POPDC3: variants seen among roughly 807,000 people sequenced by gnomAD.
POPDC3 encodes the protein popeye domain cAMP effector 3.
In POPDC3, 20 loss-of-function variants were observed where a neutral mutation model predicts 28.2. The observed-to-expected ratio is 0.71, with a 90% CI of 0.50 to 1.03. POPDC3 has a LOEUF of 1.03. Among genes scored for constraint, POPDC3 ranks in the 50% least tolerant of loss-of-function variants. POPDC3 has a pLI of 0.00. For missense variants in POPDC3, 316 were observed against 345.9 expected (o/e 0.91, Z 0.69); for synonymous variants, 118 against 124.1 (o/e 0.95, Z 0.33).
chr6:105,163,361 C>G (rs1774388908), intron 1 of POPDC3, among the ~76,000 whole-genome samples: 1 of 152,136 alleles, frequency 6.6e-6, no homozygotes, highest in Admixed American at 6.5e-5. Context: ...AATATGTAAT[C>G]TGAGTCAGGA....
In POPDC3 at chr6:105,180,001, A is replaced by AGCGGC. The variant is rs1468742638; in HGVS notation, c.-425_-421dup. ...GCAGCGTGACCGCAGCGGGCTCCGG[A>AGCGGC]GCGGCGCGGCGGCGCGGGCGGGTGC... is the stretch of plus-strand genomic sequence containing the variant. On this transcript the variant is annotated 5_prime_UTR_variant, in exon 1 of 4. Coordinates refer to ENST00000254765, the MANE Select transcript of POPDC3 (RefSeq NM_022361.5). 1 of 145,650 alleles carries AGCGGC rather than the reference A, an allele frequency of 6.9e-6. No individual in the cohort carries two copies. Among genetic ancestry groups the AGCGGC allele is most frequent in the African/African-American group, 2.5e-5 (1 of 40,458 alleles). 9.0% of individuals were successfully genotyped at this position (145,650 alleles called of 1,614,324 possible).
intron 1 of POPDC3, among the ~76,000 whole-genome samples, chr6:105,177,449 A>G (rs546313164): frequency 6.6e-6 from 1 of 152,350 alleles, no homozygotes; most frequent in Admixed American, 6.5e-5. Flanking sequence ...AACAATTATC[A>G]AGATTTTGCC....
chr6:105,179,348 G>A (rs933220429), intron 1 of POPDC3, among the ~76,000 whole-genome samples: 1 of 152,120 alleles, frequency 6.6e-6, no homozygotes, highest in African/African-American at 2.4e-5. Context: ...GGGGGCGGGA[G>A]TAGGGGGGAA....
intron 1 of POPDC3, among the ~76,000 whole-genome samples, chr6:105,172,187 G>GA (rs1444299720): frequency 1.3e-5 from 2 of 150,814 alleles, no homozygotes; most frequent in Non-Finnish European, 3.0e-5. Flanking sequence ...AAATTTACAA[G>GA]AAAAAAACAA....
At position 105,158,665 on chromosome 6, in the gene POPDC3, G is replaced by T; in HGVS notation, c.681C>A (p.Ile227=). 6.2e-7 allele frequency: 1 copy of T among 1,614,056 alleles called. No homozygotes were observed. Among genetic ancestry groups the T allele is most frequent in the South Asian group, 1.1e-5 (1 of 91,080 alleles). ...CAATTAGCACTGAAAAAAGGCGGGA[G>T]ATGTAGCGATGCTGAGCAAAGAGCA... ...LYLLFAQHRY[I]SRLFSVLIGS... The change falls in exon 4 of 4, where the codon ATC becomes ATA. Residue 227 remains isoleucine (I), a synonymous_variant. Transcript: ENST00000254765.
Position 105,159,703 on chromosome 6 carries a change from T to C in POPDC3, c.594+8A>G, listed in dbSNP as rs569687913. 2.8e-5 allele frequency: 43 copies of C among 1,511,700 alleles called. 1 individual carries two copies. In the East Asian group the frequency reaches 7.7e-4, roughly 27 times the overall value. 93.6% of individuals were successfully genotyped at this position (1,511,700 alleles called of 1,614,324 possible). The stretch of plus-strand genomic sequence containing the variant: ...GGAGTGCTAACTGTGTGTTCTGGTA[T>C]CCCTTACCTGAAAAATGCCTTCCTC... On this transcript the variant is annotated splice_region_variant and intron_variant, in intron 3 of 3. Coordinates refer to ENST00000254765, the MANE Select transcript of POPDC3 (RefSeq NM_022361.5).
chr6:105,170,867 C>T (rs928438850), intron 1 of POPDC3, among the ~76,000 whole-genome samples: 3 of 152,088 alleles, frequency 2.0e-5, no homozygotes. Context: ...GTTAAAAATA[C>T]ACAAATATGG....
intron 1 of POPDC3, among the ~76,000 whole-genome samples, chr6:105,170,765 A>G (rs978295711): frequency 1.3e-5 from 2 of 152,252 alleles, no homozygotes; most frequent in African/African-American, 4.8e-5. Context: ...GGTTAGTGAT[A>G]TAACACTTAA....
intron 1 of POPDC3, among the ~76,000 whole-genome samples, chr6:105,163,487 G>A (rs1355043619): frequency 6.6e-6 from 1 of 152,092 alleles, no homozygotes; most frequent in Non-Finnish European, 1.5e-5. Flanking sequence ...TAAAACCATG[G>A]TAACATTCAA....
chr6:105,174,646 T>C (rs9399904), intron 1 of POPDC3, among the ~76,000 whole-genome samples: 102,703 of 152,076 alleles, frequency 0.68, 40,659 homozygotes, highest in East Asian at 0.88. Context: ...CATTATAAAG[T>C]TGAAAAATGG....
At chr6:105,170,153 A>C (rs1415455309) in intron 1 of POPDC3, among the ~76,000 whole-genome samples, 1 of 152,172 alleles carries the variant, frequency 6.6e-6, no homozygotes, top group Non-Finnish European at 1.5e-5. Flanking sequence ...GGTTTTAAAT[A>C]ATTGACAGGC....
At chr6:105,163,620 G>A (rs1774397596) in intron 1 of POPDC3, 1 of 152,138 alleles carries the variant, frequency 6.6e-6, no homozygotes, top group African/African-American at 2.4e-5. Context: ...ATACAGAGGT[G>A]AAAATGACTT....
intron 1 of POPDC3, among the ~76,000 whole-genome samples, chr6:105,174,226 A>T (rs1002851299): frequency 6.6e-6 from 1 of 152,172 alleles, no homozygotes; most frequent in African/African-American, 2.4e-5. Context: ...TTTAGTAGAG[A>T]TGGGGTTTTA....
chr6:105,179,528 C>A (rs1361789740), intron 1 of POPDC3, among the ~76,000 whole-genome samples: 2 of 152,216 alleles, frequency 1.3e-5, no homozygotes, highest in Non-Finnish European at 1.5e-5. Flanking sequence ...GCCTCTAGGG[C>A]ATACGACTCG....
At chr6:105,179,609 G>A (rs1774744471) in intron 1 of POPDC3, among the ~76,000 whole-genome samples, 1 of 152,106 alleles carries the variant, frequency 6.6e-6, no homozygotes. Context: ...TGTGAGCGGC[G>A]ACACAGCCGG....
At position 105,179,919 on chromosome 6, in the gene POPDC3, G is replaced by C. The variant is rs1401796840; in HGVS notation, c.-338C>G. ...CGCGCTTGACCCGGGTGGCCCGCGC[G>C]GAAGCCCTCAGCGTCCCCCTCGTGA... On this transcript the variant is annotated 5_prime_UTR_variant, in exon 1 of 4. Coordinates refer to ENST00000254765, the MANE Select transcript of POPDC3 (RefSeq NM_022361.5). 6.6e-6 allele frequency: 1 copy of C among 151,330 alleles called. No homozygotes were observed. The highest frequency in any genetic ancestry group is 1.5e-5 in the Non-Finnish European group (1 of 67,796). 9.4% of individuals were successfully genotyped at this position (151,330 alleles called of 1,614,324 possible).
chr6:105,179,066 C>T (rs1774732664), intron 1 of POPDC3: 1 of 985,314 alleles, frequency 1.0e-6, no homozygotes, highest in African/African-American at 1.7e-5. Context: ...CTGCAAATGT[C>T]TTCTGGCTAA....
At chr6:105,178,960 A>T (rs1774731634) in intron 1 of POPDC3, 4 of 985,492 alleles carry the variant, frequency 4.1e-6, no homozygotes, top group Non-Finnish European at 4.8e-6. Flanking sequence ...GTGAAAAGTC[A>T]GGAAGCAACG....
chr6:105,158,977 T>C, intron 3 of POPDC3: 1 of 381,390 alleles, frequency 2.6e-6, no homozygotes, highest in Non-Finnish European at 4.7e-6. Flanking sequence ...TCAATCTGTC[T>C]GTTTTTCTAA....
Sources: allele counts gnomAD v4.1 joint callset (sites outside exome capture counted in the v4.1 genomes callset), GRCh38; gene constraint gnomAD v4.1.1; transcripts MANE v1.5; gene names NCBI Gene and HGNC (gene_info 2026-07-23, HGNC 2026-07-21).